The following NRXN3 variants were observed in gnomAD, a reference collection of about 807,000 sequenced individuals.
NRXN3 encodes the protein neurexin III.
NRXN3 carries 32 observed loss-of-function variants against 137.6 expected under a neutral mutation model. The ratio of observed to expected loss-of-function variants is 0.23; its 90% CI spans 0.18 to 0.31. The LOEUF (loss-of-function observed/expected upper bound fraction) is 0.31, where lower values mean the gene tolerates loss of function less well. Ranked by LOEUF, NRXN3 falls within the 10% of genes least tolerant of loss-of-function variation. NRXN3 has a pLI of 1.00. For missense variants in NRXN3, 1,574 were observed against 2,062.5 expected (o/e 0.76, Z 4.59); for synonymous variants, 798 against 784.5 (o/e 1.02, Z -0.29).
At chr14:79,809,177 A>AATG (rs1725347159) in intron 20 of NRXN3, among the ~76,000 whole-genome samples, 7 of 152,262 alleles carry the variant, frequency 4.6e-5, no homozygotes, top group Admixed American at 4.6e-4. Context: ...GCTAAAATTA[A>AATG]ACCTATTGAC....
intron 15 of NRXN3, among the ~76,000 whole-genome samples, chr14:79,094,789 C>G (rs1448034991): frequency 6.6e-6 from 1 of 151,876 alleles, no homozygotes; most frequent in South Asian, 2.1e-4. Flanking sequence ...CTCCAGCAAG[C>G]CTTACTGAAT....
At chr14:78,297,977 C>G in intron 4 of NRXN3, 117 bp downstream of exon 4, 1 of 1,212,474 alleles carries the variant, frequency 8.2e-7, no homozygotes, top group South Asian at 1.4e-5. Context: ...CCTTCCTGCG[C>G]TGGGCCAGGC....
At chr14:78,294,828 A>G (rs1185919606) in intron 3 of NRXN3, among the ~76,000 whole-genome samples, 2 of 152,140 alleles carry the variant, frequency 1.3e-5, no homozygotes, top group Non-Finnish European at 2.9e-5. Context: ...GTGTGTGTGT[A>G]AATATAAGCA....
Position 79,110,762 on chromosome 14 carries a change from T to TTTTTTTTA in NRXN3, c.3262+122624_3262+122625insTTTTATTT, listed in dbSNP as rs1555758036. Among the ~76,000 whole-genome samples, 152 of 139,138 alleles carry TTTTTTTTA rather than the reference T, an allele frequency of 1.1e-3. 1 individual carries two copies. The East Asian group carries it at 0.022, about 20-fold the overall frequency. 91.3% of individuals were successfully genotyped at this position (139,138 alleles called of 152,430 possible). On this transcript the variant is annotated intron_variant, in intron 15 of 20. Coordinates refer to ENST00000335750, the MANE Select transcript of NRXN3 (RefSeq NM_001330195.2). Reference sequence around the variant, plus strand: ...GTCTTCTTTCAATGAGAAATTATTATTTTATTTATTTATTTATTTATTTAT... The same window carrying TTTTTTTTA: ...GTCTTCTTTCAATGAGAAATTATTATTTTTTTTATTTATTTATTTATTTATTTATTTAT...
In NRXN3 at chr14:78,527,352, G is replaced by C. The variant is rs1209901399; in HGVS notation, c.758-117768G>C. Reference sequence around the variant, plus strand: ...GGCACATCTTACATGGCTGGAGCAGGAGGAAGAGATGAAGTGGGAAGGTGA... The same window carrying C: ...GGCACATCTTACATGGCTGGAGCAGCAGGAAGAGATGAAGTGGGAAGGTGA... On this transcript the variant is annotated intron_variant, in intron 4 of 20. Transcript: ENST00000335750. 2.0e-5 allele frequency among the ~76,000 whole-genome samples: 3 copies of C among 152,152 alleles called. No homozygotes were observed. In the East Asian group the frequency reaches 5.8e-4, roughly 29 times the overall value.
At chr14:79,801,756 C>G (rs1246920850) in intron 19 of NRXN3, among the ~76,000 whole-genome samples, 1 of 152,064 alleles carries the variant, frequency 6.6e-6, no homozygotes, top group Non-Finnish European at 1.5e-5. Flanking sequence ...TTCACATGTA[C>G]TCATATAGAA....
intron 4 of NRXN3, among the ~76,000 whole-genome samples, chr14:78,314,239 A>G (rs2078294214): frequency 6.6e-6 from 1 of 152,182 alleles, no homozygotes; most frequent in African/African-American, 2.4e-5. Context: ...CCTAAAATCC[A>G]GAAGAGTGGG....
chr14:78,602,348 T>G (rs1156838489), intron 4 of NRXN3: 2 of 146,856 alleles, frequency 1.4e-5, no homozygotes, highest in East Asian at 4.1e-4. Flanking sequence ...AGGTGGCCCA[T>G]GTACTGGATT....
intron 4 of NRXN3, among the ~76,000 whole-genome samples, chr14:78,482,793 G>A (rs2095495281): frequency 6.6e-6 from 1 of 152,160 alleles, no homozygotes; most frequent in Non-Finnish European, 1.5e-5. Flanking sequence ...AAAGGCACAG[G>A]TGTCAGAAGT....
At chr14:79,558,321 C>G (rs902578403) in intron 16 of NRXN3, among the ~76,000 whole-genome samples, 2 of 152,116 alleles carry the variant, frequency 1.3e-5, no homozygotes, top group African/African-American at 4.8e-5. Flanking sequence ...TGTACTTCGT[C>G]CAGATCCATT....
intron 15 of NRXN3, among the ~76,000 whole-genome samples, chr14:79,378,735 T>G (rs2094380078): frequency 6.6e-6 from 1 of 152,208 alleles, no homozygotes; most frequent in African/African-American, 2.4e-5. Flanking sequence ...AAGCATTTAA[T>G]CATGTTTATT....
chr14:79,476,615 C>A (rs554390384), intron 16 of NRXN3, among the ~76,000 whole-genome samples: 42 of 152,050 alleles, frequency 2.8e-4, no homozygotes, highest in Non-Finnish European at 5.0e-4. Context: ...TACATTTACT[C>A]GGGAGCATGT....
chr14:79,308,507 C>T (rs2086531778), intron 15 of NRXN3, among the ~76,000 whole-genome samples: 1 of 152,134 alleles, frequency 6.6e-6, no homozygotes, highest in Non-Finnish European at 1.5e-5. Flanking sequence ...CCTGAAGAAG[C>T]TGTGGCTAAA....
In NRXN3 at chr14:78,450,152, G is replaced by T. The variant is rs559475540; in HGVS notation, c.757+152292G>T. ...CTAGCAATGACTGTGCAAATGACTG[G>T]GTATAGGTATTAGAGGTGTACCGCA... is the stretch of plus-strand genomic sequence containing the variant. On this transcript the variant is annotated intron_variant, in intron 4 of 20. Coordinates refer to ENST00000335750, the MANE Select transcript of NRXN3 (RefSeq NM_001330195.2). 5.9e-5 allele frequency among the ~76,000 whole-genome samples: 9 copies of T among 152,204 alleles called. No homozygotes were observed. In the East Asian group the frequency reaches 7.7e-4, roughly 13 times the overall value.
At chr14:78,302,874 T>A (rs1027530469) in intron 4 of NRXN3, among the ~76,000 whole-genome samples, 2 of 152,238 alleles carry the variant, frequency 1.3e-5, no homozygotes, top group Non-Finnish European at 2.9e-5. Flanking sequence ...CTTGCATCTC[T>A]GCTGTCAGCT....
At position 79,284,324 on chromosome 14, in the gene NRXN3, C is replaced by T. The variant is rs186365044; in HGVS notation, c.3263-182897C>T. On this transcript the variant is annotated intron_variant, in intron 15 of 20. Coordinates refer to ENST00000335750, the MANE Select transcript of NRXN3 (RefSeq NM_001330195.2). ...ACCTGCCTGGCCAACATGGGGAAAC[C>T]CCGTCTCTACTAAAAATACATATAT... Among the ~76,000 whole-genome samples the T allele has an allele frequency of 3.7e-3, 432 of 118,172 alleles. 2 individuals carry two copies. Among genetic ancestry groups the T allele is most frequent in the Non-Finnish European group, 5.6e-3 (327 of 58,262 alleles). The allele number at this position is 118,172 out of a possible 152,430, so 77.5% of individuals were successfully genotyped here. A position where few individuals can be genotyped will look rare whatever the true frequency, so the allele number is the denominator to read the frequency against.
At chr14:79,663,304 A>G (rs1424273844) in intron 16 of NRXN3, among the ~76,000 whole-genome samples, 2 of 151,920 alleles carry the variant, frequency 1.3e-5, no homozygotes, top group African/African-American at 2.4e-5. Context: ...AGCCCCTCTG[A>G]CATTGGCTCC....
chr14:79,395,734 G>A (rs545832410), intron 15 of NRXN3, among the ~76,000 whole-genome samples: 83 of 151,620 alleles, frequency 5.5e-4, no homozygotes, highest in Non-Finnish European at 9.3e-4. Flanking sequence ...GCGTGAACCC[G>A]GGAGGCAGAG....
intron 1 of NRXN3, among the ~76,000 whole-genome samples, chr14:78,214,890 T>G (rs2063103054): frequency 6.6e-6 from 1 of 152,158 alleles, no homozygotes; most frequent in African/African-American, 2.4e-5. Context: ...AGCATGAGAT[T>G]TGAAGGCAAA....
Sources: gnomAD v4.1 joint callset for allele counts (sites outside exome capture counted in the v4.1 genomes callset) on GRCh38, gnomAD v4.1.1 for gene constraint, MANE v1.5 for transcripts, NCBI Gene and HGNC (gene_info 2026-07-23, HGNC 2026-07-21) for gene names.